Variants in DAB1 observed in about 807,000 individuals in gnomAD.
DAB1 encodes disabled homolog 1.
A neutral mutation model predicts 64.6 loss-of-function variants in DAB1; 15 were observed. The observed-to-expected ratio is 0.23, with a 90% CI of 0.16 to 0.36. DAB1 has a LOEUF of 0.36. Among genes scored for constraint, DAB1 ranks in the 10% least tolerant of loss-of-function variants. The pLI, the probability that DAB1 is intolerant of heterozygous loss-of-function variation, is 1.00. For synonymous variants in DAB1, 235 were observed against 251.9 expected, an observed-to-expected ratio of 0.93 and a Z score of 0.64; for missense variants, 596 against 706.7, an observed-to-expected ratio of 0.84 and a Z score of 1.78.
At chr1:57,395,721 C>T (rs944984670) in intron 1 of DAB1, among the ~76,000 whole-genome samples, 16 of 151,198 alleles carry the variant, frequency 1.1e-4, no homozygotes, top group African/African-American at 3.7e-4. Flanking sequence ...TAAATAGCCA[C>T]AGGTATCCCA....
intron 7 of DAB1, among the ~76,000 whole-genome samples, chr1:57,542,494 G>A (rs556334820): frequency 3.3e-5 from 5 of 150,226 alleles, no homozygotes; most frequent in Admixed American, 2.0e-4. Flanking sequence ...CAGTGAAAAT[G>A]AGGGCATTCC....
intron 7 of DAB1, among the ~76,000 whole-genome samples, chr1:57,633,503 T>C (rs569047015): frequency 1.2e-4 from 18 of 152,252 alleles, no homozygotes; most frequent in African/African-American, 3.9e-4. Flanking sequence ...GAAGGAAGAA[T>C]GCTGTTCCTG....
intron 3 of DAB1, among the ~76,000 whole-genome samples, chr1:58,358,781 T>A (rs1644134568): frequency 6.6e-6 from 1 of 152,174 alleles, no homozygotes; most frequent in Admixed American, 6.5e-5. Flanking sequence ...ATTTCCAGAA[T>A]GCCAGAATAA....
At chr1:58,407,416 G>C (rs145974598) in intron 3 of DAB1, among the ~76,000 whole-genome samples, 1 of 152,318 alleles carries the variant, frequency 6.6e-6, no homozygotes, top group African/African-American at 2.4e-5. Context: ...TGTTAGCATG[G>C]ATGGATATTT....
intron 6 of DAB1, among the ~76,000 whole-genome samples, chr1:57,743,594 C>G (rs1333360076): frequency 6.6e-6 from 1 of 152,180 alleles, no homozygotes; most frequent in Admixed American, 6.5e-5. Context: ...CAGGGGCCAG[C>G]CCTGGGTACT....
intron 7 of DAB1, among the ~76,000 whole-genome samples, chr1:57,501,885 A>G (rs1206068340): frequency 6.6e-6 from 1 of 152,126 alleles, no homozygotes; most frequent in Admixed American, 6.5e-5. Flanking sequence ...TGATTTTTAA[A>G]GTACTGGGGC....
chr1:57,061,442 C>G (rs1343977902), intron 9 of DAB1, among the ~76,000 whole-genome samples: 2 of 152,190 alleles, frequency 1.3e-5, no homozygotes, highest in African/African-American at 4.8e-5. Context: ...GTGAATCGCC[C>G]TGGTAATCTT....
At chr1:57,663,589 G>A (rs1558588336) in intron 6 of DAB1, among the ~76,000 whole-genome samples, 1 of 151,774 alleles carries the variant, frequency 6.6e-6, no homozygotes, top group African/African-American at 2.4e-5. Flanking sequence ...TAAATTGTCT[G>A]CGGTAATGAG....
At chr1:58,076,419 A>C (rs1438107657) in intron 5 of DAB1, among the ~76,000 whole-genome samples, 2 of 152,134 alleles carry the variant, frequency 1.3e-5, no homozygotes, top group Non-Finnish European at 2.9e-5. Context: ...TATTATAAGC[A>C]CTTTGTTTCT....
At chr1:57,966,795 A>G (rs1382881281) in intron 5 of DAB1, among the ~76,000 whole-genome samples, 4 of 152,178 alleles carry the variant, frequency 2.6e-5, no homozygotes, top group Admixed American at 2.0e-4. Flanking sequence ...AGAAGAGTAC[A>G]TATACCAAGA....
chr1:57,182,293 A>G (rs1170352569), intron 2 of DAB1, among the ~76,000 whole-genome samples: 1 of 152,250 alleles, frequency 6.6e-6, no homozygotes, highest in Non-Finnish European at 1.5e-5. Context: ...ATCAATTACT[A>G]GTGTCCCAGG....
intron 7 of DAB1, among the ~76,000 whole-genome samples, chr1:57,647,175 G>A (rs1646201862): frequency 6.6e-6 from 1 of 152,104 alleles, no homozygotes; most frequent in Non-Finnish European, 1.5e-5. Flanking sequence ...TCCTTGCAAA[G>A]GACTCTCAAA....
chr1:57,184,202 C>T (rs1193832247), intron 2 of DAB1, among the ~76,000 whole-genome samples: 1 of 152,192 alleles, frequency 6.6e-6, no homozygotes, highest in Non-Finnish European at 1.5e-5. Context: ...TAGTACCCTC[C>T]ACAAGAATGT....
At chr1:57,618,067 T>C (rs115052527) in intron 7 of DAB1, among the ~76,000 whole-genome samples, 2,069 of 152,164 alleles carry the variant, frequency 0.014, 63 homozygotes, top group African/African-American at 0.048. Context: ...AAAAGGGAAA[T>C]AAAAGATGCA....
intron 6 of DAB1, among the ~76,000 whole-genome samples, chr1:57,674,801 C>G (rs1646546957): frequency 6.6e-6 from 1 of 152,154 alleles, no homozygotes; most frequent in Non-Finnish European, 1.5e-5. Context: ...CCCTTGGAGA[C>G]CCCAAGAATA....
chr1:57,887,142 T>C (rs1200429224), upstream of DAB1, among the ~76,000 whole-genome samples: 1 of 152,200 alleles, frequency 6.6e-6, no homozygotes, highest in Non-Finnish European at 1.5e-5. Flanking sequence ...AGCTCCAGTA[T>C]ATGCAAAGCC....
intron 4 of DAB1, among the ~76,000 whole-genome samples, chr1:58,296,207 AAG>A (rs1661982677): frequency 8.3e-6 from 1 of 119,850 alleles, no homozygotes; most frequent in Non-Finnish European, 1.8e-5. Flanking sequence ...GAAAGAAAGA[AAG>A]AAAGAAAGAA....
intron 6 of DAB1, among the ~76,000 whole-genome samples, chr1:57,687,061 A>G (rs1490487252): frequency 6.6e-6 from 1 of 152,186 alleles, no homozygotes; most frequent in African/African-American, 2.4e-5. Context: ...GGCAAGAGAA[A>G]GAAATAAAAA....
chr1:57,113,469 T>A (rs1040102317), intron 4 of DAB1, among the ~76,000 whole-genome samples: 1 of 152,148 alleles, frequency 6.6e-6, no homozygotes, highest in Non-Finnish European at 1.5e-5. Context: ...GACCAGACAA[T>A]AAATTTCTTC....
Sources: gnomAD v4.1 joint callset for allele counts (sites outside exome capture counted in the v4.1 genomes callset) on GRCh38, gnomAD v4.1.1 for gene constraint, MANE v1.5 for transcripts, NCBI Gene and HGNC (gene_info 2026-07-23, HGNC 2026-07-21) for gene names.